Variants in RPL28 observed in about 807,000 individuals in gnomAD.
RPL28 encodes large ribosomal subunit protein eL28.
In RPL28, 4 loss-of-function variants were observed where a neutral mutation model predicts 12.5. The ratio of observed to expected loss-of-function variants is 0.32; its 90% confidence interval spans 0.16 to 0.73. The LOEUF is 0.73. RPL28 is among the 30% of genes least tolerant of loss of function. The pLI is 0.66. For synonymous variants in RPL28, 91 were observed against 72.5 expected (o/e 1.26, Z -1.30); for missense variants, 214 against 197.7 (o/e 1.08, Z -0.49).
chr19:55,389,189 C>G lies in RPL28; in HGVS notation c.*857C>G. On this transcript the variant is annotated 3_prime_UTR_variant, in exon 5 of 5. Transcript: ENST00000344063. ...TAGGCAACATAATGAGACACCGTCT[C>G]TAAAATAAAATTAGCTGGGTGTGGT... is the stretch of plus-strand genomic sequence containing the variant. The G allele has an allele frequency of 1.0e-6, 1 of 971,430 alleles. No individual in the cohort carries two copies. The highest frequency in any genetic ancestry group is 1.2e-6 in the Non-Finnish European group (1 of 817,196). The allele number at this position is 971,430 out of a possible 1,614,324, so 60.2% of individuals were successfully genotyped here.
Position 55,388,991 on chromosome 19 carries a change from C to T in RPL28, c.*659C>T, listed in dbSNP as rs987679017. 2.0e-6 allele frequency: 2 copies of T among 985,548 alleles called. No homozygotes were observed. The highest frequency in any genetic ancestry group is 3.5e-5 in the African/African-American group (2 of 57,326). The allele number at this position is 985,548 out of a possible 1,614,324, so 61.1% of individuals were successfully genotyped here. ...ACTCCCGTCCTCCAGGTGTCCCCAT[C>T]CCTCCCCTGTCTCTTTGAGCTGGCT... On this transcript the variant is annotated 3_prime_UTR_variant, in exon 5 of 5. Transcript: ENST00000344063.
rs967488261 is a variant in RPL28, at chr19:55,391,738, G to C, written c.*3406G>C. The C allele has an allele frequency of 6.6e-7, 1 of 1,504,258 alleles. No individual in the cohort carries two copies. The highest frequency in any genetic ancestry group is 9.0e-7 in the Non-Finnish European group (1 of 1,112,666). 93.2% of individuals were successfully genotyped at this position (1,504,258 alleles called of 1,614,324 possible). A position where few individuals can be genotyped will look rare whatever the true frequency, so the allele number is the denominator to read the frequency against. On this transcript the variant is annotated 3_prime_UTR_variant, in exon 5 of 5. Transcript: ENST00000344063. ...CTGCTTGACTGTGCCCACAAATCCTGATTGTAGGAATAAATTAATGACTTT... is the reference window on the plus strand; with the variant it reads ...CTGCTTGACTGTGCCCACAAATCCTCATTGTAGGAATAAATTAATGACTTT...
intron 3 of RPL28, 77 bp from the exon 4 acceptor site, chr19:55,387,853 A>G: frequency 2.7e-6 from 4 of 1,493,102 alleles, no homozygotes; most frequent in Non-Finnish European, 2.7e-6. Flanking sequence ...TCAATGTGAG[A>G]CTGTCCACAC....
Position 55,390,214 on chromosome 19 carries a change from C to CT in RPL28, c.*1885dup, listed in dbSNP as rs2089977540. The stretch of plus-strand genomic sequence containing the variant: ...GTCCTGAGAGTTTGCTCACTGGAGA[C>CT]TTTCTGGAGATGGAGTCTCGCTCTG... On this transcript the variant is annotated 3_prime_UTR_variant, in exon 5 of 5. Coordinates refer to ENST00000344063, the MANE Select transcript of RPL28 (RefSeq NM_000991.5). 1.0e-6 allele frequency: 1 copy of CT among 985,048 alleles called. No homozygotes were observed. The highest frequency in any genetic ancestry group is 4.7e-5 in the South Asian group (1 of 21,300). 61.0% of individuals were successfully genotyped at this position (985,048 alleles called of 1,614,324 possible). A position where few individuals can be genotyped will look rare whatever the true frequency, so the allele number is the denominator to read the frequency against.
rs1351219142 is a variant in RPL28 at position 55,388,312 on chromosome 19, C to T, written c.394C>T (p.Arg132Cys). 9 of 1,577,374 alleles carry T rather than the reference C, an allele frequency of 5.7e-6. No individual in the cohort carries two copies. The highest frequency in any genetic ancestry group is 3.7e-5 in the Admixed American group (2 of 54,222). The stretch of plus-strand genomic sequence containing the variant: ...TGTGATGGTGAAGAGGAAGCGGACC[C>T]GCCCCACCAAGAGCTCCTGAGCCCC... ...KPVMVKRKRT[R>C]PTKSS Residue 132 changes from arginine to cysteine, a missense_variant, in exon 5 of 5, where the codon CGC (arginine) becomes TGC (cysteine). By Grantham distance (180) the Arg-to-Cys change is radical. Coordinates refer to ENST00000344063, the MANE Select transcript of RPL28 (RefSeq NM_000991.5).
chr19:55,395,813 A>G (rs1363986140), downstream of RPL28, among the ~76,000 whole-genome samples: 1 of 152,130 alleles, frequency 6.6e-6, no homozygotes, highest in East Asian at 1.9e-4. Context: ...ATCTGGGACA[A>G]CCAGTTCCCT....
rs1004855532 is a variant in RPL28, at chr19:55,389,578, T to C, written c.*1246T>C. On this transcript the variant is annotated 3_prime_UTR_variant, in exon 5 of 5. Coordinates refer to ENST00000344063, the MANE Select transcript of RPL28 (RefSeq NM_000991.5). ...GACTGTCAGGGCCTCGACTTGCCAT[T>C]GGTTGGGGTCGTACGGGGCTGGGAG... The C allele has an allele frequency of 1.0e-6, 1 of 985,300 alleles. No homozygotes were observed. The highest frequency in any genetic ancestry group is 1.2e-6 in the Non-Finnish European group (1 of 829,948). The allele number at this position is 985,300 out of a possible 1,614,324, so 61.0% of individuals were successfully genotyped here. A position where few individuals can be genotyped will look rare whatever the true frequency, so the allele number is the denominator to read the frequency against.
At chr19:55,397,219 G>A (rs1223916405) in intron 4 of RPL28, among the ~76,000 whole-genome samples, 2 of 152,180 alleles carry the variant, frequency 1.3e-5, no homozygotes, top group African/African-American at 4.8e-5. Context: ...CCATATGTAT[G>A]TTTAGCAGGA....
chr19:55,396,312 TAC>T (rs1431995817), downstream of RPL28, among the ~76,000 whole-genome samples: 3 of 150,090 alleles, frequency 2.0e-5, no homozygotes, highest in Non-Finnish European at 4.4e-5. Flanking sequence ...AAATACAGCA[TAC>T]ACACAGAAAA....
downstream of RPL28, among the ~76,000 whole-genome samples, chr19:55,392,687 C>G (rs888591303): frequency 6.6e-6 from 1 of 152,064 alleles, no homozygotes; most frequent in Non-Finnish European, 1.5e-5. Context: ...CCACCACGCC[C>G]GGCTAAATGT....
chr19:55,386,200 A>G (rs928953468), intron 1 of RPL28, 150 bp from the exon 2 acceptor site: 86 of 683,688 alleles, frequency 1.3e-4, no homozygotes, highest in Non-Finnish European at 1.9e-4. Flanking sequence ...CCGCCTGACA[A>G]GAGTTCTAGG....
chr19:55,391,415 C>G lies in RPL28; in HGVS notation c.*3083C>G. On this transcript the variant is annotated 3_prime_UTR_variant, in exon 5 of 5. Transcript: ENST00000344063. ...AGTGTTCACTGCTGTCTCTCCAGCT[C>G]TTAGTCCAGTAGCTGCATGGTGAGT... 7.7e-7 allele frequency: 1 copy of G among 1,307,090 alleles called. No homozygotes were observed. The highest frequency in any genetic ancestry group is 9.8e-7 in the Non-Finnish European group (1 of 1,023,822). 81.0% of individuals were successfully genotyped at this position (1,307,090 alleles called of 1,614,324 possible).
At chr19:55,398,395 C>A (rs2090036773) in intron 4 of RPL28, among the ~76,000 whole-genome samples, 1 of 152,192 alleles carries the variant, frequency 6.6e-6, no homozygotes, top group Non-Finnish European at 1.5e-5. Flanking sequence ...TACAAAGTTT[C>A]AAAATGGGCT....
At chr19:55,392,455 A>C (rs1259715454), downstream of RPL28, among the ~76,000 whole-genome samples, 1 of 152,044 alleles carries the variant, frequency 6.6e-6, no homozygotes, top group Non-Finnish European at 1.5e-5. Flanking sequence ...CTGGTCCTGA[A>C]GTCCTGGGCA....
chr19:55,396,477 T>TCCCCCCC (rs112754863), downstream of RPL28, among the ~76,000 whole-genome samples: 1 of 12,882 alleles, frequency 7.8e-5, no homozygotes, highest in African/African-American at 4.9e-4. Flanking sequence ...AGGAAAGTTC[T>TCCCCCCC]CCCCCCTCCC....
chr19:55,396,886 C>A (rs1036686079), downstream of RPL28, among the ~76,000 whole-genome samples: 1 of 151,342 alleles, frequency 6.6e-6, no homozygotes, highest in Non-Finnish European at 1.5e-5. Context: ...GGCCTCCCTT[C>A]CCTTTCTTTC....
At chr19:55,399,977 TAG>T (rs1196506533) in intron 4 of RPL28, 3 of 152,178 alleles carry the variant, frequency 2.0e-5, no homozygotes, top group Non-Finnish European at 2.9e-5. Context: ...CTGCTAGAGG[TAG>T]AGAGGAGTGC....
At chr19:55,386,923 T>C (rs185282898) in intron 3 of RPL28, 54 of 1,481,404 alleles carry the variant, frequency 3.6e-5, no homozygotes, top group East Asian at 3.5e-4. Flanking sequence ...AAAAAGGACC[T>C]GAACTTCCTC....
downstream of RPL28, among the ~76,000 whole-genome samples, chr19:55,395,582 T>C (rs556376756): frequency 5.5e-4 from 84 of 152,062 alleles, no homozygotes; most frequent in Non-Finnish European, 9.1e-4. Context: ...TAGCTGGGAC[T>C]ACAGGCGCCC....
Sources: allele counts gnomAD v4.1 joint callset (sites outside exome capture counted in the v4.1 genomes callset), GRCh38; gene constraint gnomAD v4.1.1; transcripts MANE v1.5; gene names NCBI Gene and HGNC (gene_info 2026-07-23, HGNC 2026-07-21).